MPPED1: variants seen among roughly 807,000 people sequenced by gnomAD.
MPPED1 encodes metallophosphoesterase domain-containing protein 1.
In MPPED1, 16 loss-of-function variants were observed where a neutral mutation model predicts 36.2. That is an observed-to-expected ratio of 0.44 (90% CI 0.30 to 0.67). MPPED1 has a LOEUF of 0.67. Among genes scored for constraint, MPPED1 ranks in the 30% least tolerant of loss-of-function variants. The probability of loss-of-function intolerance (pLI) is 0.10; values close to 1 mark genes in which losing one functional copy is unlikely to be tolerated. For missense variants in MPPED1, 307 were observed against 453.4 expected, an observed-to-expected ratio of 0.68 and a Z score of 2.93; for synonymous variants, 199 against 191.3, an observed-to-expected ratio of 1.04 and a Z score of -0.33.
intron 3 of MPPED1, among the ~76,000 whole-genome samples, chr22:43,468,356 G>A (rs762060164): frequency 9.2e-5 from 14 of 152,214 alleles, no homozygotes; most frequent in Non-Finnish European, 1.9e-4. Context: ...GGAGATCAGC[G>A]TTCTCGCCCA....
At chr22:43,452,335 T>C (rs949075149) in intron 3 of MPPED1, among the ~76,000 whole-genome samples, 1 of 152,110 alleles carries the variant, frequency 6.6e-6, no homozygotes, top group Non-Finnish European at 1.5e-5. Flanking sequence ...TTTATCAATC[T>C]TGTGGAACCT....
chr22:43,473,488 G>C (rs983736823), intron 3 of MPPED1, among the ~76,000 whole-genome samples: 7 of 152,256 alleles, frequency 4.6e-5, no homozygotes, highest in Non-Finnish European at 8.8e-5. Flanking sequence ...TGGCGTCTTT[G>C]CTACTTGCCT....
At chr22:43,452,969 T>TTG (rs1363784830) in intron 3 of MPPED1, among the ~76,000 whole-genome samples, 1 of 150,012 alleles carries the variant, frequency 6.7e-6, no homozygotes, top group Admixed American at 6.6e-5. Flanking sequence ...ACTTTTTTTT[T>TTG]TTTTGATTCT....
chr22:43,495,530 G>GTGA (rs1293250679), intron 4 of MPPED1, among the ~76,000 whole-genome samples: 6 of 62,104 alleles, frequency 9.7e-5, no homozygotes, highest in African/African-American at 3.3e-4. Context: ...GGAGGTGGTG[G>GTGA]TGGTGGAGAT....
chr22:43,445,413 A>C (rs142109048), intron 3 of MPPED1, among the ~76,000 whole-genome samples: 1 of 151,748 alleles, frequency 6.6e-6, no homozygotes, highest in East Asian at 1.9e-4. Flanking sequence ...TTTAGTAGTT[A>C]CTCATAAATT....
At chr22:43,433,454 GTGAA>G (rs1322525563) in intron 2 of MPPED1, among the ~76,000 whole-genome samples, 13 of 119,742 alleles carry the variant, frequency 1.1e-4, no homozygotes, top group South Asian at 5.5e-4. Flanking sequence ...GAATGAGTGA[GTGAA>G]TGAGTGAATG....
chr22:43,426,801 T>C (rs527392691), intron 2 of MPPED1, among the ~76,000 whole-genome samples: 8 of 152,244 alleles, frequency 5.3e-5, no homozygotes, highest in Non-Finnish European at 1.0e-4. Flanking sequence ...GTGTTGCCTG[T>C]GGCTGCCTAC....
chr22:43,484,772 A>C (rs1329946918), intron 4 of MPPED1, among the ~76,000 whole-genome samples: 1 of 152,202 alleles, frequency 6.6e-6, no homozygotes, highest in East Asian at 1.9e-4. Flanking sequence ...GCCCCGCCTG[A>C]GCCTCTCAGG....
chr22:43,461,933 G>A (rs778910597), intron 3 of MPPED1, among the ~76,000 whole-genome samples: 24 of 152,186 alleles, frequency 1.6e-4, no homozygotes, highest in Non-Finnish European at 2.4e-4. Context: ...GGGCACCGGG[G>A]AGGTGGCTGA....
At chr22:43,420,530 G>A (rs1207487070) in intron 1 of MPPED1, among the ~76,000 whole-genome samples, 1 of 151,736 alleles carries the variant, frequency 6.6e-6, no homozygotes, top group Non-Finnish European at 1.5e-5. Context: ...TCACCCTCCC[G>A]AGTAGCTGGG....
intron 5 of MPPED1, among the ~76,000 whole-genome samples, chr22:43,500,632 T>G (rs1932705393): frequency 6.6e-6 from 1 of 151,782 alleles, no homozygotes; most frequent in East Asian, 1.9e-4. Context: ...ATCAGTGTCT[T>G]GCTCCCACCG....
rs1932755467 is a variant in MPPED1 at position 43,502,480 on chromosome 22, GAGGCA to G, written c.749-163_749-159del. Among the ~76,000 whole-genome samples the G allele has an allele frequency of 1.3e-5, 2 of 152,222 alleles. No homozygotes were observed. Among genetic ancestry groups the G allele is most frequent in the Admixed American group, 1.3e-4 (2 of 15,288 alleles). On this transcript the variant is annotated intron_variant, in intron 5 of 6. Transcript: ENST00000443721. This position sits in a 1 kb window ranked among gnomAD's most constrained non-coding sequence, Gnocchi z 5.5. Reference sequence around the variant, plus strand: ...TGAATGGTTTCAGTCCCTGAAGCCTGAGGCAGGGCAGGGTTCCGGAGAGCTTGCTA... The same window carrying G: ...TGAATGGTTTCAGTCCCTGAAGCCTGGGGCAGGGTTCCGGAGAGCTTGCTA...
chr22:43,467,290 CGCA>C (rs1448994583), intron 3 of MPPED1, among the ~76,000 whole-genome samples: 1 of 152,202 alleles, frequency 6.6e-6, no homozygotes, highest in Non-Finnish European at 1.5e-5. Flanking sequence ...TGATGCTGGT[CGCA>C]GTGCCTGGAC....
At chr22:43,465,450 A>T (rs961515680) in intron 3 of MPPED1, among the ~76,000 whole-genome samples, 19 of 152,212 alleles carry the variant, frequency 1.2e-4, no homozygotes, top group African/African-American at 4.6e-4. Flanking sequence ...GGACGACGGA[A>T]CCTCATGGAT....
intron 4 of MPPED1, among the ~76,000 whole-genome samples, chr22:43,495,579 A>T (rs1024732997): frequency 3.3e-4 from 13 of 39,474 alleles, no homozygotes; most frequent in Non-Finnish European, 3.1e-4. Context: ...GTGATGGTGG[A>T]GGTGGTGGTG....
At chr22:43,423,487 T>G (rs1199677272) in intron 1 of MPPED1, among the ~76,000 whole-genome samples, 3 of 152,118 alleles carry the variant, frequency 2.0e-5, no homozygotes, top group Non-Finnish European at 4.4e-5. Context: ...TTTTTCCCCC[T>G]TGTCTCTGCA....
chr22:43,463,819 C>CTTTTT (rs1480549521), intron 3 of MPPED1, among the ~76,000 whole-genome samples: 15 of 83,464 alleles, frequency 1.8e-4, no homozygotes, highest in South Asian at 3.7e-4. Flanking sequence ...TTCTTTCTTT[C>CTTTTT]TTTCTTTCTT....
intron 3 of MPPED1, among the ~76,000 whole-genome samples, chr22:43,455,562 G>A (rs1035433231): frequency 2.0e-5 from 3 of 152,124 alleles, no homozygotes; most frequent in African/African-American, 7.2e-5. Flanking sequence ...TCCTTTTGTG[G>A]AGGGGGAGAC....
intron 4 of MPPED1, among the ~76,000 whole-genome samples, chr22:43,494,140 C>T (rs2146908358): frequency 6.6e-6 from 1 of 152,200 alleles, no homozygotes; most frequent in Admixed American, 6.5e-5. Context: ...CTCAAGCAAT[C>T]CTCTCCCACC....
Sources: gnomAD v4.1 joint callset for allele counts (sites outside exome capture counted in the v4.1 genomes callset) on GRCh38, gnomAD v4.1.1 for gene constraint, Gnocchi (gnomAD v3.1) non-coding constraint, MANE v1.5 for transcripts, NCBI Gene and HGNC (gene_info 2026-07-23, HGNC 2026-07-21) for gene names.